Variants in FOXJ3 observed in about 807,000 individuals in gnomAD.
FOXJ3 encodes forkhead box protein J3.
FOXJ3 carries 22 observed loss-of-function variants against 76.1 expected under a neutral mutation model. That is an observed-to-expected ratio of 0.29 (90% CI 0.21 to 0.41). The LOEUF is 0.41. Ranked by LOEUF, FOXJ3 falls within the 10% of genes least tolerant of loss-of-function variation. The pLI, the probability that FOXJ3 is intolerant of heterozygous loss-of-function variation, is 1.00. For missense variants in FOXJ3, 613 were observed against 762.1 expected, an observed-to-expected ratio of 0.80 and a Z score of 2.30; for synonymous variants, 269 against 261.2, an observed-to-expected ratio of 1.03 and a Z score of -0.29.
intron 4 of FOXJ3, among the ~76,000 whole-genome samples, chr1:42,246,824 CA>C (rs1196775088): frequency 6.6e-6 from 1 of 152,032 alleles, no homozygotes; most frequent in African/African-American, 2.4e-5. Context: ...GGATAAAGAA[CA>C]TATGGTATAT....
chr1:42,222,710 T>C (rs1226766768), intron 5 of FOXJ3, among the ~76,000 whole-genome samples: 1 of 152,216 alleles, frequency 6.6e-6, no homozygotes, highest in African/African-American at 2.4e-5. Flanking sequence ...CCTCTTATCT[T>C]GTGTTTACTC....
chr1:42,214,217 T>C (rs1410898501), intron 5 of FOXJ3, among the ~76,000 whole-genome samples: 1 of 152,134 alleles, frequency 6.6e-6, no homozygotes, highest in Non-Finnish European at 1.5e-5. Context: ...ATACTTCAGT[T>C]TCAATAGAGA....
chr1:42,291,087 C>CAGACAGACAGAT lies in FOXJ3; in HGVS notation c.45-12416_45-12415insATCTGTCTGTCT, dbSNP rs1553167263. 4.4e-3 allele frequency among the ~76,000 whole-genome samples: 618 copies of CAGACAGACAGAT among 140,694 alleles called. 5 individuals carry two copies. The highest frequency in any genetic ancestry group is 0.016 in the African/African-American group (598 of 36,478). 92.3% of individuals were successfully genotyped at this position (140,694 alleles called of 152,430 possible). ...ATAGATAGATAGATAGATAGATAGA[C>CAGACAGACAGAT]AGACAGACAGACAGATAGATCCACA... On this transcript the variant is annotated intron_variant, in intron 2 of 12. Coordinates refer to ENST00000361346, the MANE Select transcript of FOXJ3 (RefSeq NM_014947.5).
intron 11 of FOXJ3, among the ~76,000 whole-genome samples, chr1:42,188,276 A>G (rs10890187): frequency 0.12 from 18,823 of 152,240 alleles, 1,528 homozygotes; most frequent in Admixed American, 0.23. Flanking sequence ...TTTTGGGTCT[A>G]AAGTAAAACA....
chr1:42,332,586 A>T (rs1339950783), intron 1 of FOXJ3, among the ~76,000 whole-genome samples: 1 of 152,066 alleles, frequency 6.6e-6, no homozygotes, highest in Non-Finnish European at 1.5e-5. Flanking sequence ...TGAAACAAAA[A>T]CCTTCCTCAG....
At chr1:42,330,958 CCATGTCTTATT>C (rs1656123357) in intron 1 of FOXJ3, among the ~76,000 whole-genome samples, 1 of 152,092 alleles carries the variant, frequency 6.6e-6, no homozygotes, top group South Asian at 2.1e-4. Flanking sequence ...TGTTCAAGGG[CCATGTCTTATT>C]CATCTTTATA....
chr1:42,228,072 T>C (rs150312761), intron 4 of FOXJ3, 106 bp from the exon 5 acceptor site: 70 of 489,706 alleles, frequency 1.4e-4, no homozygotes, highest in Admixed American at 1.1e-3. Context: ...GCAAATACAA[T>C]GGAAAAATAG....
chr1:42,204,413 T>C (rs1337323367), intron 6 of FOXJ3, among the ~76,000 whole-genome samples: 1 of 152,158 alleles, frequency 6.6e-6, no homozygotes, highest in South Asian at 2.1e-4. Flanking sequence ...TTCAGCTCCT[T>C]TGACATCCAC....
chr1:42,276,415 A>G (rs1652266900), intron 3 of FOXJ3, among the ~76,000 whole-genome samples: 1 of 152,134 alleles, frequency 6.6e-6, no homozygotes, highest in South Asian at 2.1e-4. Flanking sequence ...TGCTACCGTT[A>G]TAACCTACCA....
chr1:42,191,605 G>A lies in FOXJ3; in HGVS notation c.1049C>T (p.Ser350Phe). The A allele has an allele frequency of 6.2e-7, 1 of 1,614,188 alleles. No homozygotes were observed. Among genetic ancestry groups the A allele is most frequent in the Non-Finnish European group, 8.5e-7 (1 of 1,180,032 alleles). The change falls in exon 9 of 13, where the codon TCC becomes TTC. Residue 350 changes from serine to phenylalanine, a missense_variant. Around this residue, in one of 3 missense-constraint regions of FOXJ3, gnomAD observed 526 missense variants for 601.4 expected, o/e 0.87. Transcript: ENST00000361346. ...GTTGAGGCCACTGCCATGACTGTTG[G>A]ACAGGCTGCTTTGGTTGCTGTGTGG... ...THPHSNQSSL[S>F]NSHGSGLNTT...
chr1:42,195,855 C>T (rs1047149265), intron 7 of FOXJ3, among the ~76,000 whole-genome samples: 1 of 152,362 alleles, frequency 6.6e-6, no homozygotes, highest in Non-Finnish European at 1.5e-5. Context: ...CCACACAAAC[C>T]ATATAGGCAA....
chr1:42,276,867 T>TAC (rs1652302775), intron 3 of FOXJ3, among the ~76,000 whole-genome samples: 1 of 152,240 alleles, frequency 6.6e-6, no homozygotes, highest in Non-Finnish European at 1.5e-5. Flanking sequence ...AAAAATGTAT[T>TAC]ACCTCATTCT....
At chr1:42,300,998 A>G (rs952053473) in intron 2 of FOXJ3, among the ~76,000 whole-genome samples, 3 of 151,970 alleles carry the variant, frequency 2.0e-5, no homozygotes, top group African/African-American at 7.3e-5. Flanking sequence ...TGCTTAGATG[A>G]GGTTCTTCTT....
intron 4 of FOXJ3, among the ~76,000 whole-genome samples, chr1:42,252,745 C>T (rs1487946101): frequency 2.6e-5 from 4 of 151,984 alleles, no homozygotes; most frequent in African/African-American, 9.7e-5. Flanking sequence ...ATCTTTCCTG[C>T]TTTCTCTTGT....
At chr1:42,281,365 A>T (rs1652697373) in intron 2 of FOXJ3, among the ~76,000 whole-genome samples, 1 of 152,002 alleles carries the variant, frequency 6.6e-6, no homozygotes, top group Admixed American at 6.6e-5. Context: ...TAAAGCCTTG[A>T]GGGTAAAGAA....
intron 9 of FOXJ3, chr1:42,189,643 A>G: frequency 2.5e-6 from 1 of 401,616 alleles, no homozygotes; most frequent in Non-Finnish European, 4.6e-6. Context: ...ATAACTTAGC[A>G]AGGTTATCAT....
rs552687581 is a variant in FOXJ3 at position 42,290,017 on chromosome 1, G to A, written c.45-11345C>T. On this transcript the variant is annotated intron_variant, in intron 2 of 12. Coordinates refer to ENST00000361346, the MANE Select transcript of FOXJ3 (RefSeq NM_014947.5). ...ATGTTAGAAGATAGTAAATAAGTAC[G>A]TTCCCTTGAGCACATGGTAGAATAT... Among the ~76,000 whole-genome samples, 27 of 152,216 alleles carry A rather than the reference G, an allele frequency of 1.8e-4. No homozygotes were observed. The South Asian group carries it at 4.8e-3, about 27-fold the overall frequency.
intron 5 of FOXJ3, among the ~76,000 whole-genome samples, chr1:42,216,431 T>C (rs1432843160): frequency 6.7e-6 from 1 of 149,876 alleles, no homozygotes; most frequent in Admixed American, 6.7e-5. Flanking sequence ...GGCAGGAGAA[T>C]GGCGTGAACC....
At chr1:42,332,198 C>G (rs562362922) in intron 1 of FOXJ3, among the ~76,000 whole-genome samples, 3 of 152,192 alleles carry the variant, frequency 2.0e-5, no homozygotes, top group African/African-American at 7.2e-5. Flanking sequence ...TTTCAAGACC[C>G]AAAATTCCAA....
Sources: gnomAD v4.1 joint callset for allele counts (sites outside exome capture counted in the v4.1 genomes callset) on GRCh38, gnomAD v4.1.1 for gene constraint, gnomAD v4.1.1 regional missense constraint, MANE v1.5 for transcripts, NCBI Gene and HGNC (gene_info 2026-07-23, HGNC 2026-07-21) for gene names.